Variants in VPS16 observed in about 807,000 individuals in gnomAD.
VPS16 encodes VPS16 core subunit of CORVET and HOPS complexes, also known as vacuolar protein sorting-associated protein 16 homolog.
Under a neutral mutation model 116.0 loss-of-function variants are expected in VPS16, and 82 were observed. That is an observed-to-expected ratio of 0.71 (90% CI 0.59 to 0.85). VPS16 has a LOEUF of 0.85. VPS16 is among the 40% of genes least tolerant of loss of function. VPS16 has a pLI of 0.00. For synonymous variants in VPS16, 406 were observed against 420.7 expected, an observed-to-expected ratio of 0.96 and a Z score of 0.43; for missense variants, 928 against 1,090.6, an observed-to-expected ratio of 0.85 and a Z score of 2.10.
At chr20:2,843,327 G>A (rs2089028241) in intron 1 of VPS16, among the ~76,000 whole-genome samples, 1 of 152,106 alleles carries the variant, frequency 6.6e-6, no homozygotes, top group African/African-American at 2.4e-5. Context: ...AGCTACTCGG[G>A]AAGCTGAGGC....
At chr20:2,841,773 T>C (rs1298574146) in intron 1 of VPS16, among the ~76,000 whole-genome samples, 1 of 152,048 alleles carries the variant, frequency 6.6e-6, no homozygotes, top group African/African-American at 2.4e-5. Flanking sequence ...ATTTTTTTTT[T>C]TTTTGACAGA....
At chr20:2,841,494 G>C (rs2088973852) in intron 1 of VPS16, among the ~76,000 whole-genome samples, 1 of 152,164 alleles carries the variant, frequency 6.6e-6, no homozygotes, top group African/African-American at 2.4e-5. Context: ...TTGCGTTCCA[G>C]CTGCGCAGAA....
chr20:2,854,778 AGAGT>A (rs1259314369), intron 1 of VPS16, among the ~76,000 whole-genome samples: 2 of 142,944 alleles, frequency 1.4e-5, no homozygotes, highest in Non-Finnish European at 3.0e-5. Flanking sequence ...CCTGGGCAAC[AGAGT>A]GAGACTCCAT....
Position 2,860,816 on chromosome 20 carries a change from G to C in VPS16, c.583G>C (p.Val195Leu). 5 of 1,614,116 alleles carry C rather than the reference G, an allele frequency of 3.1e-6. No individual in the cohort carries two copies. The highest frequency in any genetic ancestry group is 4.2e-6 in the Non-Finnish European group (5 of 1,180,036). The change falls in exon 6 of 24, where the codon GTG becomes CTG. Residue 195 changes from valine (V) to leucine (L), a missense_variant. Physicochemically the swap from Val to Leu is conservative, Grantham distance 32 (BLOSUM62 1). Coordinates refer to ENST00000380445, the MANE Select transcript of VPS16 (RefSeq NM_022575.4). This position sits in a 1 kb window ranked among gnomAD's most constrained non-coding sequence, Gnocchi z 6.1. ...QDRVAHILLA[V>L]GPDLYLLDHA... ...CCGAGTGGCACACATTCTTCTGGCTGTGGGGCCTGACCTTTACCTCTTGGA... is the reference window on the plus strand; with the variant it reads ...CCGAGTGGCACACATTCTTCTGGCTCTGGGGCCTGACCTTTACCTCTTGGA...
At chr20:2,862,759 G>GGGGGGGGGGGC in intron 12 of VPS16, 48 bp from the exon 13 acceptor site, 2 of 777,192 alleles carry the variant, frequency 2.6e-6, no homozygotes, top group Non-Finnish European at 4.2e-6. Context: ...GAGGGGGTGG[G>GGGGGGGGGGGC]ATGGGCAGCA....
At chr20:2,859,613 T>C (rs1182503174) in intron 1 of VPS16, 106 bp from the exon 2 acceptor site, 3 of 1,328,844 alleles carry the variant, frequency 2.3e-6, no homozygotes, top group Non-Finnish European at 3.2e-6. Flanking sequence ...AGACTTCCTC[T>C]ACAGCCTTGT....
intron 23 of VPS16, 21 bp from the exon 24 acceptor site, chr20:2,866,409 C>T: frequency 6.2e-7 from 1 of 1,614,128 alleles, no homozygotes. Flanking sequence ...AACACCACCT[C>T]CTCTCTTGCT....
intron 8 of VPS16, 79 bp downstream of exon 8, chr20:2,861,359 C>G: frequency 6.3e-7 from 1 of 1,598,986 alleles, no homozygotes; most frequent in Non-Finnish European, 8.6e-7. Context: ...CTTGATTCGT[C>G]ATGTCTACTG....
chr20:2,861,548 A>T, intron 8 of VPS16, 67 bp from the exon 9 acceptor site: 1 of 1,523,732 alleles, frequency 6.6e-7, no homozygotes, highest in Non-Finnish European at 8.9e-7. Flanking sequence ...ACAAAGGATT[A>T]TGAGCAGCCA....
At chr20:2,842,913 G>GATAGATAGATGTATCTATCGATAGATA (rs1568621220) in intron 1 of VPS16, among the ~76,000 whole-genome samples, 1 of 148,950 alleles carries the variant, frequency 6.7e-6, no homozygotes, top group Non-Finnish European at 1.5e-5. Flanking sequence ...TATATGTTAT[G>GATAGATAGATGTATCTATCGATAGATA]GATTGCAAGT....
Position 2,864,843 on chromosome 20 carries a change from A to T in VPS16, c.1927-135A>T. ...GAGCTAGCCATCCCTCTAGGACATC[A>T]GAGTGGTGCACCTAGCAGGCAAGGC... On this transcript the variant is annotated intron_variant, in intron 19 of 23. Transcript: ENST00000380445. The surrounding 1 kb of genome is among the most constrained non-coding windows in gnomAD (Gnocchi z 5.2). 11 of 1,248,364 alleles carry T rather than the reference A, an allele frequency of 8.8e-6. No homozygotes were observed. In the South Asian group the frequency reaches 1.3e-4, roughly 15 times the overall value. The allele number at this position is 1,248,364 out of a possible 1,614,324, so 77.3% of individuals were successfully genotyped here. A position where few individuals can be genotyped will look rare whatever the true frequency, so the allele number is the denominator to read the frequency against.
intron 8 of VPS16, 49 bp from the exon 9 acceptor site, chr20:2,861,566 G>A (rs1384484159): frequency 3.9e-6 from 6 of 1,552,774 alleles, no homozygotes; most frequent in Non-Finnish European, 5.2e-6. Context: ...CCATGTGGGA[G>A]ACATGGCCAT....
intron 1 of VPS16, among the ~76,000 whole-genome samples, chr20:2,845,367 A>T (rs1022358268): frequency 1.3e-5 from 2 of 152,128 alleles, no homozygotes; most frequent in Non-Finnish European, 2.9e-5. Flanking sequence ...TTCTAGATAC[A>T]TTGAGTTTCA....
chr20:2,847,208 T>C (rs1379039446), intron 1 of VPS16, among the ~76,000 whole-genome samples: 1 of 152,180 alleles, frequency 6.6e-6, no homozygotes, highest in Non-Finnish European at 1.5e-5. Context: ...AGGGGGTCCA[T>C]TGTGTCTCCT....
At chr20:2,848,054 C>T (rs1402929279) in intron 1 of VPS16, among the ~76,000 whole-genome samples, 1 of 152,228 alleles carries the variant, frequency 6.6e-6, no homozygotes, top group East Asian at 1.9e-4. Flanking sequence ...CCTTCCAGTG[C>T]ACCAGCCTCT....
rs768164425 is a variant in VPS16, at chr20:2,861,115, G to C, written c.753+23G>C. On this transcript the variant is annotated intron_variant, in intron 7 of 23. Transcript: ENST00000380445. ...AAGGTATGATCCTGGGGCAACACAGGGGTACTGTGCCTTGTCCAGGGTACA... is the reference window on the plus strand; with the variant it reads ...AAGGTATGATCCTGGGGCAACACAGCGGTACTGTGCCTTGTCCAGGGTACA... 5 of 1,614,094 alleles carry C rather than the reference G, an allele frequency of 3.1e-6. No homozygotes were observed. In the South Asian group the frequency reaches 3.3e-5, roughly 11 times the overall value.
At position 2,860,804 on chromosome 20, in the gene VPS16, A is replaced by G. The variant is rs1477972292; in HGVS notation, c.571A>G (p.Ile191Val). ...GCTGTGCCAGGACCGAGTGGCACAC[A>G]TTCTTCTGGCTGTGGGGCCTGACCT... is the stretch of plus-strand genomic sequence containing the variant. ...TVLCQDRVAH[I>V]LLAVGPDLYL... Residue 191 changes from isoleucine to valine, a missense_variant, in exon 6 of 24, where the codon ATT becomes GTT. Coordinates refer to ENST00000380445, the MANE Select transcript of VPS16 (RefSeq NM_022575.4). This position sits in a 1 kb window ranked among gnomAD's most constrained non-coding sequence, Gnocchi z 6.1. 6.2e-7 allele frequency: 1 copy of G among 1,614,080 alleles called. No individual in the cohort carries two copies. The highest frequency in any genetic ancestry group is 1.7e-5 in the Admixed American group (1 of 60,022).
At position 2,851,031 on chromosome 20, in the gene VPS16, AG is replaced by A. The variant is rs2089115412; in HGVS notation, c.54-8686del. Reference sequence around the variant, plus strand: ...AAAATTTTATGATAGCCTGGGGCCAAGGAAGAGTACCCAAGGAATGACAAAC... The same window carrying A: ...AAAATTTTATGATAGCCTGGGGCCAAGAAGAGTACCCAAGGAATGACAAAC... On this transcript the variant is annotated intron_variant, in intron 1 of 23. Transcript: ENST00000380445. Among the ~76,000 whole-genome samples the A allele has an allele frequency of 3.3e-5, 5 of 152,054 alleles. No individual in the cohort carries two copies. The South Asian group carries it at 8.3e-4, about 25-fold the overall frequency.
At position 2,860,949 on chromosome 20, in the gene VPS16, C is replaced by G. The variant is rs1277333405; in HGVS notation, c.631-21C>G. 4.3e-6 allele frequency: 7 copies of G among 1,613,978 alleles called. No homozygotes were observed. Among genetic ancestry groups the G allele is most frequent in the Non-Finnish European group, 5.1e-6 (6 of 1,180,036 alleles). ...AAAGTCAGTATGTATCTGTCCCACC[C>G]CTACCCTGGCTCTGCCTCAGACGCC... On this transcript the variant is annotated intron_variant, in intron 6 of 23. Transcript: ENST00000380445. This position sits in a 1 kb window ranked among gnomAD's most constrained non-coding sequence, Gnocchi z 6.1.
Sources: allele counts gnomAD v4.1 joint callset (sites outside exome capture counted in the v4.1 genomes callset), GRCh38; gene constraint gnomAD v4.1.1; non-coding constraint Gnocchi (gnomAD v3.1); transcripts MANE v1.5; gene names NCBI Gene and HGNC (gene_info 2026-07-23, HGNC 2026-07-21).